The following UTS2 variants were observed in gnomAD, a reference collection of about 807,000 sequenced individuals.
UTS2 encodes urotensin 2.
Under a neutral mutation model 12.6 loss-of-function variants are expected in UTS2, and 10 were observed. The observed-to-expected ratio is 0.80, with a 90% CI of 0.49 to 1.35. UTS2 has a LOEUF of 1.35. Ranked by LOEUF, UTS2 falls within the 40% of genes most tolerant of loss-of-function variation. The pLI, the probability that UTS2 is intolerant of heterozygous loss-of-function variation, is 0.00. For synonymous variants in UTS2, 52 were observed against 50.0 expected, an observed-to-expected ratio of 1.04 and a Z score of -0.17; for missense variants, 142 against 143.2, an observed-to-expected ratio of 0.99 and a Z score of 0.04.
the UTS2 span, among the ~76,000 whole-genome samples, chr1:7,890,939 C>A: frequency 4.1e-5 from 6 of 147,844 alleles, no homozygotes; most frequent in African/African-American, 1.2e-4. Context: ...TACATGTGTT[C>A]ATCCCAGCTT....
intron 2 of UTS2, 52 bp from the exon 3 acceptor site, chr1:7,849,735 G>A (rs756580198): frequency 6.0e-6 from 9 of 1,490,184 alleles, no homozygotes; most frequent in Middle Eastern, 3.5e-4. Flanking sequence ...TCTCTTGTAT[G>A]CTTGTTTTAA....
At chr1:7,909,721 A>G in the UTS2 span, among the ~76,000 whole-genome samples, 1 of 151,852 alleles carries the variant, frequency 6.6e-6, no homozygotes, top group Non-Finnish European at 1.5e-5. Context: ...CCCAGGTTCA[A>G]GCAATTCTTC....
the UTS2 span, among the ~76,000 whole-genome samples, chr1:7,865,653 A>G: frequency 6.6e-6 from 1 of 152,160 alleles, no homozygotes; most frequent in Non-Finnish European, 1.5e-5. Flanking sequence ...ATCTCCAAAT[A>G]CAGGCTGAGC....
At chr1:7,869,733 G>C in the UTS2 span, among the ~76,000 whole-genome samples, 7 of 152,346 alleles carry the variant, frequency 4.6e-5, no homozygotes, top group Non-Finnish European at 8.8e-5. Flanking sequence ...CCAGCGGAGA[G>C]GAAGTCTGAC....
At chr1:7,912,370 C>G in the UTS2 span, among the ~76,000 whole-genome samples, 2 of 152,174 alleles carry the variant, frequency 1.3e-5, no homozygotes, top group Admixed American at 1.3e-4. Context: ...CCAATCAAAA[C>G]TAAGCAAGTT....
At chr1:7,890,172 G>GC in the UTS2 span, among the ~76,000 whole-genome samples, 2 of 149,894 alleles carry the variant, frequency 1.3e-5, no homozygotes, top group African/African-American at 4.9e-5. Context: ...TAAAAATAGA[G>GC]CCCCTCCTCC....
chr1:7,877,137 AAAAAAG>A, the UTS2 span, among the ~76,000 whole-genome samples: 59 of 63,036 alleles, frequency 9.4e-4, no homozygotes, highest in Middle Eastern at 8.5e-3. Flanking sequence ...AAAAAAAAAA[AAAAAAG>A]AAAAAAAAAA....
At chr1:7,863,185 C>T in the UTS2 span, among the ~76,000 whole-genome samples, 3 of 151,810 alleles carry the variant, frequency 2.0e-5, no homozygotes, top group Non-Finnish European at 4.4e-5. Flanking sequence ...AATCTTGGCT[C>T]ACTGCAACCT....
chr1:7,887,040 CAAAAAAAAAAA>C, the UTS2 span, among the ~76,000 whole-genome samples: 2 of 34,726 alleles, frequency 5.8e-5, no homozygotes, highest in East Asian at 8.8e-4. Context: ...GACTCCGTCT[CAAAAAAAAAAA>C]AAAAAAAAAA....
chr1:7,909,010 T>C, the UTS2 span, among the ~76,000 whole-genome samples: 11 of 152,032 alleles, frequency 7.2e-5, no homozygotes, highest in East Asian at 2.1e-3. Context: ...TTTTACCATA[T>C]TGGCCAGGCT....
chr1:7,859,673 A>G, the UTS2 span, among the ~76,000 whole-genome samples: 1 of 152,196 alleles, frequency 6.6e-6, no homozygotes, highest in African/African-American at 2.4e-5. Context: ...ATGTCACGTG[A>G]CCATATCGAG....
the UTS2 span, among the ~76,000 whole-genome samples, chr1:7,883,425 A>C: frequency 2.6e-5 from 4 of 152,290 alleles, no homozygotes; most frequent in East Asian, 7.7e-4. Context: ...GGTACAAACA[A>C]ACAGTTTGAG....
At chr1:7,882,376 T>C in the UTS2 span, among the ~76,000 whole-genome samples, 14 of 152,136 alleles carry the variant, frequency 9.2e-5, no homozygotes, top group Non-Finnish European at 1.2e-4. Flanking sequence ...TGAGTATCTA[T>C]ATGCAGAATA....
chr1:7,909,629 A>AT, the UTS2 span, among the ~76,000 whole-genome samples: 34 of 150,212 alleles, frequency 2.3e-4, 1 homozygote, highest in Admixed American at 1.3e-3. Context: ...ACTATTTTAT[A>AT]TTTTTTTTTG....
chr1:7,885,284 T>C, the UTS2 span, among the ~76,000 whole-genome samples: 1 of 152,256 alleles, frequency 6.6e-6, no homozygotes, highest in Non-Finnish European at 1.5e-5. Flanking sequence ...TTTGTCTGTG[T>C]CCTTGGTAGT....
rs2097413195 is a variant in UTS2 at position 7,850,829 on chromosome 1, T to C, written c.197A>G (p.Asp66Gly). ...LPEMLGAERG[D>G]ILRKADSSTN... Reference sequence around the variant, plus strand: ...CATTTTACCTGCTTTCCTGAGAATATCCCCTCTTTCTGCACCCAGCATCTC... The same window carrying C: ...CATTTTACCTGCTTTCCTGAGAATACCCCCTCTTTCTGCACCCAGCATCTC... The change falls in exon 2 of 4, where the codon GAT (aspartate) becomes GGT (glycine). Residue 66 changes from aspartate to glycine, a missense_variant. By Grantham distance (94) the Asp-to-Gly change is moderately conservative. Coordinates refer to ENST00000361696, the MANE Select transcript of UTS2 (RefSeq NM_006786.4). The C allele has an allele frequency of 1.9e-6, 3 of 1,614,164 alleles. No homozygotes were observed. The highest frequency in any genetic ancestry group is 2.5e-6 in the Non-Finnish European group (3 of 1,180,032).
chr1:7,849,553 C>A, intron 3 of UTS2, 87 bp downstream of exon 3: 1 of 1,213,910 alleles, frequency 8.2e-7, no homozygotes, highest in Non-Finnish European at 1.2e-6. Context: ...ACCAAGAACA[C>A]TCCTCTAGTT....
At chr1:7,877,450 G>T in the UTS2 span, among the ~76,000 whole-genome samples, 3 of 152,234 alleles carry the variant, frequency 2.0e-5, no homozygotes, top group African/African-American at 7.2e-5. Flanking sequence ...ATAATTCAAT[G>T]AATAAAATAA....
chr1:7,909,808 G>A, the UTS2 span, among the ~76,000 whole-genome samples: 1 of 151,954 alleles, frequency 6.6e-6, no homozygotes, highest in South Asian at 2.1e-4. Flanking sequence ...TTTTGGTAGA[G>A]ACGAGGTTTC....
Sources: allele counts gnomAD v4.1 joint callset (sites outside exome capture counted in the v4.1 genomes callset), GRCh38; gene constraint gnomAD v4.1.1; transcripts MANE v1.5; gene names NCBI Gene and HGNC (gene_info 2026-07-23, HGNC 2026-07-21).